DMXL1: variants seen among roughly 807,000 people sequenced by gnomAD.
DMXL1 encodes Dmx like 1.
Under a neutral mutation model 319.2 loss-of-function variants are expected in DMXL1, and 99 were observed. The ratio of observed to expected loss-of-function variants is 0.31; its 90% CI spans 0.26 to 0.37. The LOEUF is 0.37. DMXL1 is among the 10% of genes least tolerant of loss of function. The pLI, the probability that DMXL1 is intolerant of heterozygous loss-of-function variation, is 1.00. For missense variants in DMXL1, 3,745 were observed against 3,595.6 expected, an observed-to-expected ratio of 1.04 and a Z score of -1.06; for synonymous variants, 1,385 against 1,235.2, an observed-to-expected ratio of 1.12 and a Z score of -2.54.
intron 17 of DMXL1, among the ~76,000 whole-genome samples, chr5:119,148,316 C>T (rs1769027930): frequency 6.6e-6 from 1 of 152,012 alleles, no homozygotes; most frequent in Admixed American, 6.6e-5. Context: ...GCATTGATAC[C>T]TTTAAAATTA....
At chr5:119,102,390 C>G (rs1248938897) in intron 3 of DMXL1, among the ~76,000 whole-genome samples, 4 of 152,178 alleles carry the variant, frequency 2.6e-5, no homozygotes, top group Non-Finnish European at 5.9e-5. Flanking sequence ...CAGGGCTTAA[C>G]TTTCTTGCAT....
Position 119,170,706 on chromosome 5 carries a change from A to G in DMXL1, c.5915A>G (p.Asn1972Ser). The change falls in exon 24 of 44, where the codon AAT (asparagine) becomes AGT (serine). Residue 1972 changes from asparagine to serine, a missense_variant. Around this residue, in one of 4 missense-constraint regions of DMXL1, gnomAD observed 1,382 missense variants for 1,269.5 expected, o/e 1.09. Coordinates refer to ENST00000539542, the MANE Select transcript of DMXL1 (RefSeq NM_001290321.3). The part of the protein sequence containing the change: ...DSLELKWDSD[N>S]DEENEDVPIS... ...TTAGAGTTAAAATGGGACAGTGATA[A>G]TGATGAAGAAAATGAGGATGTCCCT... is the stretch of plus-strand genomic sequence containing the variant. 6.2e-7 allele frequency: 1 copy of G among 1,613,418 alleles called. No homozygotes were observed. The highest frequency in any genetic ancestry group is 8.5e-7 in the Non-Finnish European group (1 of 1,179,838).
chr5:119,094,999 G>T (rs1755613975), intron 1 of DMXL1, among the ~76,000 whole-genome samples: 1 of 152,080 alleles, frequency 6.6e-6, no homozygotes, highest in Non-Finnish European at 1.5e-5. Context: ...GGGACTACAG[G>T]CGTACGCCAC....
At chr5:119,175,628 T>C (rs555835259) in intron 26 of DMXL1, among the ~76,000 whole-genome samples, 1 of 152,234 alleles carries the variant, frequency 6.6e-6, no homozygotes, top group South Asian at 2.1e-4. Context: ...AGTCTATTTC[T>C]TAGGGCCAGT....
At chr5:119,082,524 A>G (rs146561514) in intron 1 of DMXL1, among the ~76,000 whole-genome samples, 7 of 152,014 alleles carry the variant, frequency 4.6e-5, no homozygotes, top group African/African-American at 1.7e-4. Context: ...ATCCTCCCAC[A>G]TTGGCCTCCC....
At chr5:119,134,220 ACAT>A in intron 12 of DMXL1, 42 bp downstream of exon 12, 1 of 1,606,214 alleles carries the variant, frequency 6.2e-7, no homozygotes, top group Non-Finnish European at 8.5e-7. Flanking sequence ...AGATTTGCTG[ACAT>A]TATCATCAAA....
At chr5:119,108,832 G>A (rs745948020) in intron 4 of DMXL1, among the ~76,000 whole-genome samples, 30 of 151,280 alleles carry the variant, frequency 2.0e-4, no homozygotes, top group Non-Finnish European at 4.0e-4. Context: ...GTGGTGTTTC[G>A]CTCTTGTTGC....
At chr5:119,175,030 A>G (rs959638907) in intron 25 of DMXL1, among the ~76,000 whole-genome samples, 1 of 152,180 alleles carries the variant, frequency 6.6e-6, no homozygotes, top group Non-Finnish European at 1.5e-5. Context: ...TAGGTAGCAA[A>G]TGTGTGTTTT....
chr5:119,100,888 T>A (rs1344636032), intron 2 of DMXL1, among the ~76,000 whole-genome samples: 2 of 142,470 alleles, frequency 1.4e-5, no homozygotes, highest in East Asian at 4.7e-4. Context: ...CACGCCATTC[T>A]CCTGCCTCAG....
At chr5:119,132,866 C>A in intron 10 of DMXL1, 1 of 562,916 alleles carries the variant, frequency 1.8e-6, no homozygotes, top group Non-Finnish European at 3.2e-6. Context: ...TGTGCAAGGG[C>A]AAAAGTAGAT....
rs762580176 is a variant in DMXL1 at position 119,167,729 on chromosome 5, C to A, written c.5263C>A (p.Pro1755Thr). ...LRKKVLGIDS[P>T]VSELCSLNIN... ...TAAAAAAGTTTTGGGAATCGATTCT[C>A]CTGTCAGTGAACTGTGTTCATTGAA... Residue 1755 changes from proline (P) to threonine (T), a missense_variant, in exon 23 of 44, where the codon CCT becomes ACT. Pro to Thr is a conservative substitution (Grantham distance 38). Transcript: ENST00000539542. 1 of 1,613,664 alleles carries A rather than the reference C, an allele frequency of 6.2e-7. No individual in the cohort carries two copies.
chr5:119,144,096 C>T (rs1394724605), intron 14 of DMXL1, among the ~76,000 whole-genome samples, 166 bp downstream of exon 14: 2 of 151,696 alleles, frequency 1.3e-5, no homozygotes, highest in African/African-American at 4.8e-5. Context: ...TATTTTACTT[C>T]CTAGACTTCA....
intron 28 of DMXL1, among the ~76,000 whole-genome samples, chr5:119,183,237 T>G (rs986754503): frequency 6.6e-6 from 1 of 152,212 alleles, no homozygotes; most frequent in Non-Finnish European, 1.5e-5. Flanking sequence ...AAAACAAAAG[T>G]TCTGTATTCA....
intron 19 of DMXL1, among the ~76,000 whole-genome samples, chr5:119,158,736 A>T (rs536629820): frequency 6.6e-6 from 1 of 152,288 alleles, no homozygotes; most frequent in East Asian, 1.9e-4. Context: ...ATCAGTTGAG[A>T]GGATCATATG....
At chr5:119,165,993 A>G (rs1270822691) in intron 21 of DMXL1, among the ~76,000 whole-genome samples, 1 of 152,202 alleles carries the variant, frequency 6.6e-6, no homozygotes, top group Non-Finnish European at 1.5e-5. Flanking sequence ...CCTCTGCACT[A>G]TGGGCCAGCC....
chr5:119,129,405 G>C lies in DMXL1; in HGVS notation c.1297G>C (p.Asp433His), dbSNP rs766656962. The C allele has an allele frequency of 3.1e-6, 5 of 1,607,680 alleles. No homozygotes were observed. The highest frequency in any genetic ancestry group is 2.7e-5 in the African/African-American group (2 of 74,642). ...CAGTGTAGAAGATTCTAATCAGGCA[G>C]ATGTAAAATCTGATGAAGGTAAACT... ...EASVEDSNQA[D>H]VKSDEETDDG... Residue 433 changes from aspartate (D) to histidine (H), a missense_variant, in exon 10 of 44, where the codon GAT becomes CAT. Around this residue, in one of 4 missense-constraint regions of DMXL1, gnomAD observed 2,096 missense variants for 1,985.4 expected, o/e 1.06. Transcript: ENST00000539542.
At chr5:119,153,465 T>A (rs777202489) in intron 19 of DMXL1, among the ~76,000 whole-genome samples, 3 of 152,220 alleles carry the variant, frequency 2.0e-5, no homozygotes, top group Non-Finnish European at 4.4e-5. Context: ...CTTAGCAATA[T>A]TGAAATATAC....
Position 119,149,799 on chromosome 5 carries a change from G to A in DMXL1, c.3972G>A (p.Gln1324=), listed in dbSNP as rs371244741. ...ATGTACTTTCCCCGACTCTACCTCA[G>A]TATCATCCCTTGCAGCTTTTGGAAC... ...AAHVLSPTLP[Q]YHPLQLLELM... Residue 1324 remains glutamine (Q), a synonymous_variant, in exon 18 of 44, where the codon CAG becomes CAA. Coordinates refer to ENST00000539542, the MANE Select transcript of DMXL1 (RefSeq NM_001290321.3). 6.2e-7 allele frequency: 1 copy of A among 1,613,950 alleles called. No homozygotes were observed. The highest frequency in any genetic ancestry group is 8.5e-7 in the Non-Finnish European group (1 of 1,179,928).
Position 119,133,117 on chromosome 5 carries a change from C to T in DMXL1, c.1316-15C>T. 1 of 1,612,566 alleles carries T rather than the reference C, an allele frequency of 6.2e-7. No individual in the cohort carries two copies. The highest frequency in any genetic ancestry group is 8.5e-7 in the Non-Finnish European group (1 of 1,179,098). On this transcript the variant is annotated splice_polypyrimidine_tract_variant and intron_variant, in intron 10 of 43. Coordinates refer to ENST00000539542, the MANE Select transcript of DMXL1 (RefSeq NM_001290321.3). ...TGTTTGTATTTACTTGGTTCATGAA[C>T]TCTTTTGCTTATAGAAACTGATGAT...
Sources: gnomAD v4.1 joint callset for allele counts (sites outside exome capture counted in the v4.1 genomes callset) on GRCh38, gnomAD v4.1.1 for gene constraint, gnomAD v4.1.1 regional missense constraint, MANE v1.5 for transcripts, NCBI Gene and HGNC (gene_info 2026-07-23, HGNC 2026-07-21) for gene names.